Variants in COG6 observed in about 807,000 individuals in gnomAD.
COG6 encodes the protein component of oligomeric golgi complex 6.
A neutral mutation model predicts 88.8 loss-of-function variants in COG6; 74 were observed. That is an observed-to-expected ratio of 0.83 (90% CI 0.69 to 1.01). The LOEUF (loss-of-function observed/expected upper bound fraction) is 1.01, where lower values mean the gene tolerates loss of function less well. Among genes scored for constraint, COG6 ranks in the 50% least tolerant of loss-of-function variants. The probability of loss-of-function intolerance (pLI) is 0.00; values close to 1 mark genes in which losing one functional copy is unlikely to be tolerated. For synonymous variants in COG6, 286 were observed against 278.7 expected (o/e 1.03, Z -0.26); for missense variants, 800 against 797.9 (o/e 1.00, Z -0.03).
chr13:39,741,594 T>C (rs1316633368), intron 18 of COG6, among the ~76,000 whole-genome samples: 1 of 151,810 alleles, frequency 6.6e-6, no homozygotes, highest in Non-Finnish European at 1.5e-5. Context: ...CCAAGAAATA[T>C]GGGACTATGT....
intron 18 of COG6, among the ~76,000 whole-genome samples, chr13:39,746,222 T>TA (rs1473278511): frequency 6.6e-6 from 1 of 151,632 alleles, no homozygotes; most frequent in African/African-American, 2.4e-5. Context: ...CCCTAGAACT[T>TA]AAAGTATCAT....
chr13:39,719,200 A>T (rs1169067505), intron 13 of COG6, 36 bp from the exon 14 acceptor site: 1 of 1,607,568 alleles, frequency 6.2e-7, no homozygotes, highest in Non-Finnish European at 8.5e-7. Flanking sequence ...TTAGTGGAAA[A>T]AATATAAGGA....
At chr13:39,691,360 C>A (rs1876970198) in intron 11 of COG6, among the ~76,000 whole-genome samples, 1 of 151,648 alleles carries the variant, frequency 6.6e-6, no homozygotes, top group African/African-American at 2.4e-5. Flanking sequence ...ATGTACATAC[C>A]CAGAAAGATC....
intron 18 of COG6, among the ~76,000 whole-genome samples, chr13:39,747,554 G>A (rs1880409567): frequency 6.6e-6 from 1 of 151,868 alleles, no homozygotes; most frequent in South Asian, 2.1e-4. Context: ...TATCTCAGTG[G>A]CTTTTTAAGC....
chr13:39,709,131 G>A (rs373727127), intron 13 of COG6, among the ~76,000 whole-genome samples: 29 of 152,204 alleles, frequency 1.9e-4, no homozygotes, highest in African/African-American at 7.0e-4. Flanking sequence ...TTTACTAAAT[G>A]TAAAACAAAG....
chr13:39,708,109 T>C (rs1171862578), intron 13 of COG6, among the ~76,000 whole-genome samples: 1 of 152,156 alleles, frequency 6.6e-6, no homozygotes, highest in Non-Finnish European at 1.5e-5. Flanking sequence ...TTGCTTGTAG[T>C]TTGCATTTTT....
At position 39,751,531 on chromosome 13, in the gene COG6, T is replaced by C. The variant is rs1256816863; in HGVS notation, c.*438T>C. The C allele has an allele frequency of 7.8e-7, 1 of 1,286,100 alleles. No individual in the cohort carries two copies. The highest frequency in any genetic ancestry group is 1.0e-6 in the Non-Finnish European group (1 of 987,738). The allele number at this position is 1,286,100 out of a possible 1,614,324, so 79.7% of individuals were successfully genotyped here. ...TTCATTTGCTTTCTTTTAATATGAG[T>C]AGGCATACTTAGTAGCTTTTCTGAA... is the stretch of plus-strand genomic sequence containing the variant. On this transcript the variant is annotated 3_prime_UTR_variant, in exon 19 of 19. Transcript: ENST00000455146.
At chr13:39,748,569 C>G (rs564985784) in intron 18 of COG6, among the ~76,000 whole-genome samples, 53 of 151,906 alleles carry the variant, frequency 3.5e-4, no homozygotes, top group African/African-American at 1.3e-3. Context: ...GAGCCAAGAT[C>G]ATGCCACTGC....
intron 18 of COG6, among the ~76,000 whole-genome samples, chr13:39,729,051 T>A (rs957394327): frequency 6.6e-6 from 1 of 152,242 alleles, no homozygotes; most frequent in African/African-American, 2.4e-5. Context: ...ATTAGAATGT[T>A]GTTAGCCATG....
intron 18 of COG6, among the ~76,000 whole-genome samples, chr13:39,772,694 G>C (rs948532304): frequency 2.1e-4 from 32 of 152,334 alleles, no homozygotes; most frequent in African/African-American, 7.7e-4. Flanking sequence ...TGAGAACTCA[G>C]TTCTTGACCT....
At chr13:39,710,108 A>G (rs377076344) in intron 13 of COG6, among the ~76,000 whole-genome samples, 25 of 152,290 alleles carry the variant, frequency 1.6e-4, no homozygotes, top group East Asian at 9.6e-4. Flanking sequence ...TCTTAATGAT[A>G]CCAAGATTTC....
At chr13:39,788,483 C>T (rs1881843787) in exon 19 of COG6, 4 of 818,030 alleles carry the variant, frequency 4.9e-6, no homozygotes, top group South Asian at 3.3e-5. Context: ...GTCATCTTCC[C>T]CTGTCTACTC....
chr13:39,698,627 T>C (rs1877406253), intron 12 of COG6, among the ~76,000 whole-genome samples: 1 of 151,928 alleles, frequency 6.6e-6, no homozygotes, highest in African/African-American at 2.4e-5. Context: ...ACTTGCTGTG[T>C]TTTAGCTTAC....
chr13:39,664,866 A>T lies in COG6; in HGVS notation c.370-230A>T, dbSNP rs4277227. ...ATTAAGTTCCTTTGTCAGTATCTGG[A>T]TACCTTTTTCTTTCTTGTAAGCCTT... On this transcript the variant is annotated intron_variant, in intron 3 of 18. Coordinates refer to ENST00000455146, the MANE Select transcript of COG6 (RefSeq NM_020751.3). Among the ~76,000 whole-genome samples the T allele has an allele frequency of 0.66, 100,439 of 151,984 alleles. 33,413 individuals are homozygous for T. The highest frequency in any genetic ancestry group is 0.77 in the Admixed American group (11,789 of 15,280).
chr13:39,656,136 G>T (rs770400763), intron 1 of COG6: 1 of 634,280 alleles, frequency 1.6e-6, no homozygotes, highest in South Asian at 1.5e-5. Context: ...AGGCTCTCTG[G>T]ATGGGATTGG....
chr13:39,686,142 G>T (rs1876625567), intron 8 of COG6, among the ~76,000 whole-genome samples: 1 of 152,084 alleles, frequency 6.6e-6, no homozygotes, highest in Admixed American at 6.5e-5. Context: ...GGGTATCTTG[G>T]GAAGTTTTGG....
chr13:39,745,542 C>T (rs900742422), intron 18 of COG6, among the ~76,000 whole-genome samples: 1 of 152,132 alleles, frequency 6.6e-6, no homozygotes, highest in Non-Finnish European at 1.5e-5. Flanking sequence ...AATGAGATAC[C>T]ATCTCACGCC....
intron 18 of COG6, among the ~76,000 whole-genome samples, chr13:39,748,474 G>A (rs1291927883): frequency 1.3e-5 from 2 of 152,066 alleles, no homozygotes; most frequent in Non-Finnish European, 2.9e-5. Flanking sequence ...AATTAGGCAG[G>A]CATGGTGGTG....
chr13:39,728,916 G>T (rs1178910555), intron 18 of COG6, among the ~76,000 whole-genome samples: 1 of 152,088 alleles, frequency 6.6e-6, no homozygotes, highest in Non-Finnish European at 1.5e-5. Context: ...ACCTGCCTCG[G>T]CCTCCCAAAG....
Sources: allele counts gnomAD v4.1 joint callset (sites outside exome capture counted in the v4.1 genomes callset), GRCh38; gene constraint gnomAD v4.1.1; transcripts MANE v1.5; gene names NCBI Gene and HGNC (gene_info 2026-07-23, HGNC 2026-07-21).